Variants in VCAM1 observed in about 807,000 individuals in gnomAD.
VCAM1 encodes vascular cell adhesion protein 1.
A neutral mutation model predicts 63.8 loss-of-function variants in VCAM1; 41 were observed. That is an observed-to-expected ratio of 0.64 (90% CI 0.50 to 0.83). The LOEUF is 0.83. VCAM1 is among the 40% of genes least tolerant of loss of function. The pLI, the probability that VCAM1 is intolerant of heterozygous loss-of-function variation, is 0.00. For missense variants in VCAM1, 798 were observed against 875.5 expected, an observed-to-expected ratio of 0.91 and a Z score of 1.12; for synonymous variants, 338 against 320.7, an observed-to-expected ratio of 1.05 and a Z score of -0.58.
In VCAM1 at chr1:100,724,838, A is replaced by G. The variant is rs1660102904; in HGVS notation, c.876A>G (p.Glu292=). The change falls in exon 4 of 9, where the codon GAA becomes GAG. Residue 292 remains glutamate (E), a synonymous_variant. Transcript: ENST00000294728. ...AAGATTCTGGAATTTATGTGTGTGA[A>G]GGAGTTAATTTGATTGGGAAAAACA... ...RMEDSGIYVC[E]GVNLIGKNRK... The G allele has an allele frequency of 6.2e-7, 1 of 1,612,958 alleles. No individual in the cohort carries two copies. Among genetic ancestry groups the G allele is most frequent in the Admixed American group, 1.7e-5 (1 of 59,868 alleles).
chr1:100,723,984 G>T (rs1019269838), intron 3 of VCAM1, among the ~76,000 whole-genome samples: 3 of 152,034 alleles, frequency 2.0e-5, no homozygotes, highest in Admixed American at 6.6e-5. Context: ...GCCAACTACG[G>T]CATGTTTAGC....
In VCAM1 at chr1:100,729,389, G is replaced by C. The variant is rs1660347235; in HGVS notation, c.1204+7G>C. ...ATCCAGGTGGAGCTCTACTGTAAGT[G>C]GTTTTCAGAATTGTTTACTGTTTTT... On this transcript the variant is annotated splice_region_variant and intron_variant, in intron 5 of 8. Coordinates refer to ENST00000294728, the MANE Select transcript of VCAM1 (RefSeq NM_001078.4). The C allele has an allele frequency of 6.5e-7, 1 of 1,550,016 alleles. No homozygotes were observed. Among genetic ancestry groups the C allele is most frequent in the Non-Finnish European group, 8.7e-7 (1 of 1,151,138 alleles).
chr1:100,726,587 C>T (rs1038549625), intron 4 of VCAM1, among the ~76,000 whole-genome samples: 9 of 152,050 alleles, frequency 5.9e-5, no homozygotes, highest in Non-Finnish European at 1.2e-4. Flanking sequence ...CAGTTCCAGA[C>T]TGTGTCAGAC....
chr1:100,729,232 G>A lies in VCAM1; in HGVS notation c.1054G>A (p.Asp352Asn), dbSNP rs1156309749. ...SPSFSWRTQI[D>N]SPLSGKVRSE... ...ATCTTTCTCCTGGAGAACCCAGATA[G>A]ACAGCCCTCTGAGCGGGAAGGTGAG... The change falls in exon 5 of 9, where the codon GAC becomes AAC. Residue 352 changes from aspartate to asparagine, a missense_variant. Transcript: ENST00000294728. 1 of 1,613,564 alleles carries A rather than the reference G, an allele frequency of 6.2e-7. No homozygotes were observed. The highest frequency in any genetic ancestry group is 8.5e-7 in the Non-Finnish European group (1 of 1,179,700).
chr1:100,732,567 T>G lies in VCAM1; in HGVS notation c.1675T>G (p.Ser559Ala). ...QLPNGELQPL[S>A]ENATLTLIST... is the part of the protein sequence containing the mutation. Reference sequence around the variant, plus strand: ...CCCTAACGGGGAGCTACAGCCTCTTTCTGAGAATGCAACTCTCACCTTAAT... The same window carrying G: ...CCCTAACGGGGAGCTACAGCCTCTTGCTGAGAATGCAACTCTCACCTTAAT... Residue 559 changes from serine (S) to alanine (A), a missense_variant, in exon 7 of 9, where the codon TCT becomes GCT. Transcript: ENST00000294728. 1 of 1,613,476 alleles carries G rather than the reference T, an allele frequency of 6.2e-7. No homozygotes were observed. Among genetic ancestry groups the G allele is most frequent in the Non-Finnish European group, 8.5e-7 (1 of 1,179,754 alleles).
At chr1:100,723,609 G>A (rs1372060256) in intron 3 of VCAM1, among the ~76,000 whole-genome samples, 2 of 151,968 alleles carry the variant, frequency 1.3e-5, no homozygotes, top group African/African-American at 4.8e-5. Context: ...TGTATAAAAG[G>A]GGAATAGTAA....
chr1:100,734,937 A>C (rs1660596986), intron 8 of VCAM1, among the ~76,000 whole-genome samples, 169 bp downstream of exon 8: 1 of 152,230 alleles, frequency 6.6e-6, no homozygotes, highest in Non-Finnish European at 1.5e-5. Context: ...AAGTTTAGCC[A>C]GGAAGTTGAC....
intron 6 of VCAM1, 130 bp from the exon 7 acceptor site, chr1:100,732,288 G>A: frequency 1.1e-6 from 1 of 949,610 alleles, no homozygotes. Context: ...AAAACCTCTT[G>A]TGGTGAATTA....
chr1:100,732,451 C>A lies in VCAM1; in HGVS notation c.1559C>A (p.Pro520His). The stretch of plus-strand genomic sequence containing the variant: ...AGAGATACAACCGTCTTGGTCAGCC[C>A]TTCCTCCATCCTGGAGGAAGGCAGT... Reference protein sequence around the residue: ...APRDTTVLVSPSSILEEGSSV... With the variant: ...APRDTTVLVSHSSILEEGSSV... The change falls in exon 7 of 9, where the codon CCT becomes CAT. Residue 520 changes from proline to histidine, a missense_variant. Physicochemically the swap from Pro to His is moderately conservative, Grantham distance 77. Transcript: ENST00000294728. 1 of 1,598,976 alleles carries A rather than the reference C, an allele frequency of 6.3e-7. No individual in the cohort carries two copies. The highest frequency in any genetic ancestry group is 8.5e-7 in the Non-Finnish European group (1 of 1,174,564).
At position 100,738,428 on chromosome 1, in the gene VCAM1, C is replaced by G; in HGVS notation, c.*145C>G. ...TGGAAAGAAATGCCCATCTATGTCCCTTGCTGTGAGCAAGAAGTCAAAGTA... is the reference window on the plus strand; with the variant it reads ...TGGAAAGAAATGCCCATCTATGTCCGTTGCTGTGAGCAAGAAGTCAAAGTA... On this transcript the variant is annotated 3_prime_UTR_variant, in exon 9 of 9. Transcript: ENST00000294728. 1 of 900,370 alleles carries G rather than the reference C, an allele frequency of 1.1e-6. No individual in the cohort carries two copies. The highest frequency in any genetic ancestry group is 1.6e-6 in the Non-Finnish European group (1 of 625,574). The allele number at this position is 900,370 out of a possible 1,614,324, so 55.8% of individuals were successfully genotyped here. A position where few individuals can be genotyped will look rare whatever the true frequency, so the allele number is the denominator to read the frequency against.
rs758782913 is a variant in VCAM1, at chr1:100,738,149, T to C, written c.2086T>C (p.Ser696Pro). 1.2e-6 allele frequency: 2 copies of C among 1,613,434 alleles called. No homozygotes were observed. Among genetic ancestry groups the C allele is most frequent in the Admixed American group, 3.3e-5 (2 of 59,968 alleles). ...QGRENNKDYF[S>P]PELLVLYFAS... ...AAGAGAAAACAACAAAGACTATTTT[T>C]CTCCTGAGCTTCTCGTGCTCTATTT... The change falls in exon 9 of 9, where the codon TCT becomes CCT. Residue 696 changes from serine to proline, a missense_variant. Transcript: ENST00000294728.
At chr1:100,721,229 G>A (rs1659939808) in intron 2 of VCAM1, among the ~76,000 whole-genome samples, 2 of 151,978 alleles carry the variant, frequency 1.3e-5, no homozygotes. Context: ...TAGTATAAAA[G>A]TGTTCTTCTT....
chr1:100,731,022 C>A lies in VCAM1; in HGVS notation c.1205-176C>A, dbSNP rs1660432935. 6.6e-6 allele frequency among the ~76,000 whole-genome samples: 1 copy of A among 152,054 alleles called. No individual in the cohort carries two copies. The highest frequency in any genetic ancestry group is 6.6e-5 in the Admixed American group (1 of 15,262). ...AGTAGTTTTTGTTTCTAACATTATT[C>A]ATATATAATATCATAAATATGTCAT... On this transcript the variant is annotated intron_variant, in intron 5 of 8. Transcript: ENST00000294728. This position sits in a 1 kb window ranked among gnomAD's most constrained non-coding sequence, Gnocchi z 4.2.
chr1:100,732,726 T>C, intron 7 of VCAM1, 42 bp downstream of exon 7: 2 of 1,500,586 alleles, frequency 1.3e-6, no homozygotes, highest in South Asian at 2.8e-5. Flanking sequence ...GCTAGTAATG[T>C]TTTTGGTTAT....
chr1:100,724,674 G>C lies in VCAM1; in HGVS notation c.712G>C (p.Glu238Gln). Residue 238 changes from glutamate to glutamine, a missense_variant, in exon 4 of 9, where the codon GAA becomes CAA. Coordinates refer to ENST00000294728, the MANE Select transcript of VCAM1 (RefSeq NM_001078.4). ...ISVNPSTKLQEGGSVTMTCSS... is the reference protein window; with the variant it reads ...ISVNPSTKLQQGGSVTMTCSS... The stretch of plus-strand genomic sequence containing the variant: ...TGTGAATCCATCCACAAAGCTGCAA[G>C]AAGGTGGCTCTGTGACCATGACCTG... 1 of 1,613,052 alleles carries C rather than the reference G, an allele frequency of 6.2e-7. No homozygotes were observed. Among genetic ancestry groups the C allele is most frequent in the South Asian group, 1.1e-5 (1 of 91,038 alleles).
chr1:100,721,244 A>C (rs1659940108), intron 2 of VCAM1, among the ~76,000 whole-genome samples: 2 of 152,160 alleles, frequency 1.3e-5, no homozygotes, highest in Admixed American at 1.3e-4. Context: ...CTTCTTAGAC[A>C]TAATTGTTAA....
rs114207303 is a variant in VCAM1, at chr1:100,732,555, C to T, written c.1663C>T (p.Leu555=). The part of the protein sequence containing the change: ...LWSRQLPNGE[L]QPLSENATLT... ...GAGCAGGCAGCTCCCTAACGGGGAG[C>T]TACAGCCTCTTTCTGAGAATGCAAC... is the stretch of plus-strand genomic sequence containing the variant. Residue 555 remains leucine (L), a synonymous_variant, in exon 7 of 9, where the codon CTA becomes TTA. Transcript: ENST00000294728. 6.2e-7 allele frequency: 1 copy of T among 1,613,296 alleles called. No homozygotes were observed. Among genetic ancestry groups the T allele is most frequent in the Admixed American group, 1.7e-5 (1 of 59,858 alleles).
In VCAM1 at chr1:100,731,971, T is replaced by C. The variant is rs1660478850; in HGVS notation, c.1526-447T>C. The stretch of plus-strand genomic sequence containing the variant: ...AGAAGGTGTAAATGAAAGCAGCCTC[T>C]TCAAGGCCTGGGTTTGGAAGTCCTA... On this transcript the variant is annotated intron_variant, in intron 6 of 8. Transcript: ENST00000294728. The surrounding 1 kb of genome is among the most constrained non-coding windows in gnomAD (Gnocchi z 4.2). Among the ~76,000 whole-genome samples the C allele has an allele frequency of 6.6e-6, 1 of 152,204 alleles. No individual in the cohort carries two copies. Among genetic ancestry groups the C allele is most frequent in the South Asian group, 2.1e-4 (1 of 4,832 alleles).
chr1:100,726,401 T>C (rs1007281089), intron 4 of VCAM1, among the ~76,000 whole-genome samples: 1 of 152,062 alleles, frequency 6.6e-6, no homozygotes, highest in Non-Finnish European at 1.5e-5. Context: ...TTCCATCACA[T>C]TTCTTAAAAC....
Sources: gnomAD v4.1 joint callset for allele counts (sites outside exome capture counted in the v4.1 genomes callset) on GRCh38, gnomAD v4.1.1 for gene constraint, Gnocchi (gnomAD v3.1) non-coding constraint, MANE v1.5 for transcripts, NCBI Gene and HGNC (gene_info 2026-07-23, HGNC 2026-07-21) for gene names.